TRPM1: variants seen among roughly 807,000 people sequenced by gnomAD.
TRPM1 encodes the protein transient receptor potential cation channel subfamily M member 1, also known as TRPM1-203 APA Isoform, Intron 10.
Under a neutral mutation model 149.4 loss-of-function variants are expected in TRPM1, and 113 were observed. The observed-to-expected ratio is 0.76, with a 90% CI of 0.65 to 0.88. The LOEUF (loss-of-function observed/expected upper bound fraction) is 0.88, where lower values mean the gene tolerates loss of function less well. TRPM1 is among the 40% of genes least tolerant of loss of function. The pLI is 0.00. For synonymous variants in TRPM1, 741 were observed against 759.5 expected (o/e 0.98, Z 0.40); for missense variants, 1,976 against 2,038.7 (o/e 0.97, Z 0.59).
intron 27 of TRPM1, among the ~76,000 whole-genome samples, chr15:31,023,488 A>T (rs2032618374): frequency 6.6e-6 from 1 of 152,236 alleles, no homozygotes; most frequent in Non-Finnish European, 1.5e-5. Flanking sequence ...GGATTGAAAC[A>T]GCAGAAACAA....
intron 2 of TRPM1, 98 bp downstream of exon 2, chr15:31,081,254 GA>G: frequency 1.6e-6 from 1 of 637,766 alleles, no homozygotes; most frequent in Non-Finnish European, 2.6e-6. Flanking sequence ...TGCTTCACTG[GA>G]AATCCGTCTT....
intron 1 of TRPM1, among the ~76,000 whole-genome samples, chr15:31,097,327 A>C (rs1417235590): frequency 1.4e-5 from 2 of 148,126 alleles, no homozygotes; most frequent in African/African-American, 5.0e-5. Context: ...GAGGGTATCC[A>C]GCCCAACTCT....
At chr15:31,139,743 G>T (rs1169381964) in intron 1 of TRPM1, among the ~76,000 whole-genome samples, 1 of 152,226 alleles carries the variant, frequency 6.6e-6, no homozygotes, top group African/African-American at 2.4e-5. Context: ...GGTGGCAACT[G>T]TCTATCACTT....
chr15:31,102,246 C>T (rs1389972210), upstream of TRPM1, among the ~76,000 whole-genome samples: 2 of 152,232 alleles, frequency 1.3e-5, no homozygotes, highest in Non-Finnish European at 2.9e-5. Flanking sequence ...GCTCTCCCCC[C>T]TTCACCAGGA....
chr15:31,071,589 C>A (rs1005037461), intron 3 of TRPM1, among the ~76,000 whole-genome samples: 1 of 151,888 alleles, frequency 6.6e-6, no homozygotes, highest in Non-Finnish European at 1.5e-5. Flanking sequence ...TCTTCCCTCC[C>A]TCACTCCCTC....
chr15:31,081,239 C>G, intron 2 of TRPM1, 114 bp downstream of exon 2: 1 of 777,406 alleles, frequency 1.3e-6, no homozygotes, highest in South Asian at 1.4e-5. Context: ...CAATCCACTT[C>G]CCTCTGCTTC....
At chr15:31,062,795 G>T in intron 8 of TRPM1, 93 bp from the exon 9 acceptor site, 1 of 1,406,152 alleles carries the variant, frequency 7.1e-7, no homozygotes, top group Non-Finnish European at 1.0e-6. Flanking sequence ...TTGAGACTTT[G>T]CTGTGGGAGG....
At chr15:31,094,155 C>G (rs1258938720) in intron 1 of TRPM1, among the ~76,000 whole-genome samples, 1 of 152,124 alleles carries the variant, frequency 6.6e-6, no homozygotes, top group Admixed American at 6.5e-5. Context: ...ATTGGATATC[C>G]ACATGCAAAA....
At chr15:31,089,469 A>G (rs909453207) in intron 1 of TRPM1, among the ~76,000 whole-genome samples, 1 of 152,204 alleles carries the variant, frequency 6.6e-6, no homozygotes, top group African/African-American at 2.4e-5. Flanking sequence ...TGCTGACCTT[A>G]GTGCTGGCCC....
In TRPM1 at chr15:31,113,801, G is replaced by A. The variant is rs112944758; in HGVS notation, c.55-36817C>T. Among the ~76,000 whole-genome samples the A allele has an allele frequency of 2.2e-3, 337 of 152,308 alleles. 2 individuals are homozygous for A. The highest frequency in any genetic ancestry group is 7.3e-3 in the African/African-American group (305 of 41,576). ...CTCTTAAAGGTGGCAAGGACCCACA[G>A]TTAGCAACAGCAAGATTTATTGTGA... is the stretch of plus-strand genomic sequence containing the variant. On this transcript the variant is annotated intron_variant, in intron 1 of 26. Coordinates refer to the TRPM1 transcript ENST00000542188.
At chr15:31,035,735 A>T (rs1223949837) in intron 20 of TRPM1, 61 bp from the exon 21 acceptor site, 5 of 1,612,302 alleles carry the variant, frequency 3.1e-6, no homozygotes, top group Non-Finnish European at 4.2e-6. Context: ...CAAATTTTGA[A>T]ACGCTGTTTT....
intron 1 of TRPM1, among the ~76,000 whole-genome samples, chr15:31,106,844 T>C (rs1342521777): frequency 2.6e-5 from 4 of 152,218 alleles, no homozygotes; most frequent in Non-Finnish European, 5.9e-5. Flanking sequence ...TTTGCTTATA[T>C]TGCAAAACTT....
At chr15:31,101,587 A>C (rs777764860) in intron 1 of TRPM1, 70 bp downstream of exon 1, 66 of 929,224 alleles carry the variant, frequency 7.1e-5, no homozygotes, top group Non-Finnish European at 8.5e-5. Flanking sequence ...TCCACGCTTG[A>C]GTTTACCCAC....
intron 27 of TRPM1, among the ~76,000 whole-genome samples, chr15:31,014,398 T>A (rs1038364344): frequency 1.3e-5 from 2 of 152,180 alleles, no homozygotes; most frequent in African/African-American, 4.8e-5. Context: ...ATTCTTTGCA[T>A]ATGAGATTCT....
intron 1 of TRPM1, among the ~76,000 whole-genome samples, chr15:31,113,427 T>G (rs979814746): frequency 1.0e-5 from 1 of 97,868 alleles, no homozygotes; most frequent in African/African-American, 3.6e-5. Context: ...TACCCAGCTC[T>G]GACAGTTTTT....
intron 1 of TRPM1, among the ~76,000 whole-genome samples, chr15:31,096,247 G>C (rs1320810844): frequency 6.6e-6 from 1 of 152,140 alleles, no homozygotes; most frequent in African/African-American, 2.4e-5. Flanking sequence ...AAGGAGTGCA[G>C]TGGGAAAGGG....
intron 15 of TRPM1, among the ~76,000 whole-genome samples, chr15:31,046,693 G>T (rs2033773834): frequency 6.6e-6 from 1 of 152,198 alleles, no homozygotes; most frequent in African/African-American, 2.4e-5. Flanking sequence ...GGGCCAGCTG[G>T]TGGAGGGCCT....
chr15:31,132,033 A>C (rs1355945861), intron 1 of TRPM1, among the ~76,000 whole-genome samples: 1 of 152,218 alleles, frequency 6.6e-6, no homozygotes, highest in Non-Finnish European at 1.5e-5. Context: ...ACAGCCATTA[A>C]TCACATAAAA....
At chr15:31,032,225 A>C (rs1233323450) in intron 22 of TRPM1, among the ~76,000 whole-genome samples, 1 of 152,058 alleles carries the variant, frequency 6.6e-6, no homozygotes, top group Non-Finnish European at 1.5e-5. Flanking sequence ...AAGCTCTTAC[A>C]AAAAAACGAG....
Sources: allele counts gnomAD v4.1 joint callset (sites outside exome capture counted in the v4.1 genomes callset), GRCh38; gene constraint gnomAD v4.1.1; transcripts MANE v1.5; gene names NCBI Gene and HGNC (gene_info 2026-07-23, HGNC 2026-07-21).